Variants in VWC2 observed in about 807,000 individuals in gnomAD.
VWC2 encodes von Willebrand factor C domain containing 2.
A neutral mutation model predicts 29.8 loss-of-function variants in VWC2; 14 were observed. That is an observed-to-expected ratio of 0.47 (90% CI 0.31 to 0.74). The LOEUF is 0.74. Among genes scored for constraint, VWC2 ranks in the 30% least tolerant of loss-of-function variants. VWC2 has a pLI of 0.05. For missense variants in VWC2, 457 were observed against 459.8 expected, an observed-to-expected ratio of 0.99 and a Z score of 0.05; for synonymous variants, 213 against 199.0, an observed-to-expected ratio of 1.07 and a Z score of -0.59.
intron 3 of VWC2, among the ~76,000 whole-genome samples, chr7:49,888,624 C>A (rs750865281): frequency 7.2e-5 from 11 of 152,064 alleles, no homozygotes; most frequent in Non-Finnish European, 1.2e-4. Context: ...ATGAAGTGCA[C>A]CTTTTGCCAG....
At chr7:49,889,685 C>T (rs1257244383) in intron 3 of VWC2, among the ~76,000 whole-genome samples, 4 of 152,162 alleles carry the variant, frequency 2.6e-5, no homozygotes, top group African/African-American at 4.8e-5. Flanking sequence ...AAGGCTTTCA[C>T]GTTGCTTTTG....
At chr7:49,858,242 T>G (rs979508942) in intron 3 of VWC2, among the ~76,000 whole-genome samples, 1 of 152,146 alleles carries the variant, frequency 6.6e-6, no homozygotes, top group African/African-American at 2.4e-5. Flanking sequence ...GCTGCTATAA[T>G]GACACATGCA....
rs1485783831 is a variant in VWC2 at position 49,773,783 on chromosome 7, A to G, written c.-434A>G. 2.0e-5 allele frequency: 3 copies of G among 149,892 alleles called. No individual in the cohort carries two copies. The highest frequency in any genetic ancestry group is 4.4e-5 in the Non-Finnish European group (3 of 67,552). 9.3% of individuals were successfully genotyped at this position (149,892 alleles called of 1,614,324 possible). A position where few individuals can be genotyped will look rare whatever the true frequency, so the allele number is the denominator to read the frequency against. On this transcript the variant is annotated 5_prime_UTR_variant, in exon 1 of 4. Transcript: ENST00000340652. Reference sequence around the variant, plus strand: ...CCGAACCCCTCCGCGGAGAGGAGCGAGGCGGCGCCAGGGTGGCCCCCGGGG... The same window carrying G: ...CCGAACCCCTCCGCGGAGAGGAGCGGGGCGGCGCCAGGGTGGCCCCCGGGG...
chr7:49,826,284 A>G (rs963033987), intron 3 of VWC2, among the ~76,000 whole-genome samples: 1 of 152,190 alleles, frequency 6.6e-6, no homozygotes, highest in Non-Finnish European at 1.5e-5. Context: ...GAAAATGAAG[A>G]CACAAGAAAT....
chr7:49,850,626 T>C (rs1208882290), intron 3 of VWC2: 1 of 152,236 alleles, frequency 6.6e-6, no homozygotes, highest in Non-Finnish European at 1.5e-5. Flanking sequence ...AATTTCATAT[T>C]ACCTAAAGGA....
At chr7:49,866,521 G>A (rs553292438) in intron 3 of VWC2, among the ~76,000 whole-genome samples, 1 of 152,266 alleles carries the variant, frequency 6.6e-6, no homozygotes, top group African/African-American at 2.4e-5. Context: ...GTTAGTCAAA[G>A]CAGGTCACAC....
chr7:49,837,416 G>A (rs912795663), intron 3 of VWC2, among the ~76,000 whole-genome samples: 1 of 152,202 alleles, frequency 6.6e-6, no homozygotes, highest in Admixed American at 6.5e-5. Context: ...TCAGGCAATA[G>A]TATAAGTGCC....
At chr7:49,900,513 A>T (rs1229339096) in intron 3 of VWC2, among the ~76,000 whole-genome samples, 7 of 151,808 alleles carry the variant, frequency 4.6e-5, no homozygotes, top group South Asian at 2.1e-4. Context: ...GGATAATAAA[A>T]AAATACTACA....
At chr7:49,899,221 G>T (rs1792573287) in intron 3 of VWC2, among the ~76,000 whole-genome samples, 1 of 151,906 alleles carries the variant, frequency 6.6e-6, no homozygotes, top group Non-Finnish European at 1.5e-5. Context: ...TTATAATAAT[G>T]GGTGAGTAGC....
intron 3 of VWC2, among the ~76,000 whole-genome samples, chr7:49,827,029 C>T (rs1789410024): frequency 6.6e-6 from 1 of 152,032 alleles, no homozygotes; most frequent in Non-Finnish European, 1.5e-5. Context: ...TGCTTATATA[C>T]ACTTATACAT....
rs764670742 is a variant in VWC2 at position 49,917,901 on chromosome 7, A to G, written c.*5716A>G. 2 of 152,228 alleles carry G rather than the reference A, an allele frequency of 1.3e-5. No individual in the cohort carries two copies. The highest frequency in any genetic ancestry group is 3.4e-3 in the Middle Eastern group (1 of 294). 9.4% of individuals were successfully genotyped at this position (152,228 alleles called of 1,614,324 possible). A position where few individuals can be genotyped will look rare whatever the true frequency, so the allele number is the denominator to read the frequency against. On this transcript the variant is annotated 3_prime_UTR_variant, in exon 4 of 4. Coordinates refer to ENST00000340652, the MANE Select transcript of VWC2 (RefSeq NM_198570.5). ...ATATTTACATTGTCAAATAAATACA[A>G]TTCTATTTTCATTTCTATTAGTTTT...
At chr7:49,904,540 T>C (rs958897556) in intron 3 of VWC2, among the ~76,000 whole-genome samples, 2 of 152,334 alleles carry the variant, frequency 1.3e-5, no homozygotes, top group East Asian at 3.9e-4. Context: ...ATGCTGCTTA[T>C]AGGAGGAAGG....
intron 2 of VWC2, among the ~76,000 whole-genome samples, chr7:49,788,750 G>T (rs1161686945): frequency 6.7e-6 from 1 of 148,638 alleles, no homozygotes; most frequent in East Asian, 2.0e-4. Context: ...GTGTGTGGAT[G>T]TGGGTGTGGG....
chr7:49,834,780 C>T (rs1789618520), intron 3 of VWC2, among the ~76,000 whole-genome samples: 1 of 152,090 alleles, frequency 6.6e-6, no homozygotes, highest in African/African-American at 2.4e-5. Context: ...GGCTGGAGGC[C>T]CCAAGGATTG....
chr7:49,889,703 C>G (rs1285410852), intron 3 of VWC2, among the ~76,000 whole-genome samples: 4 of 152,110 alleles, frequency 2.6e-5, no homozygotes, highest in Non-Finnish European at 1.5e-5. Flanking sequence ...TTGCCAGTGA[C>G]CACTGAAATT....
chr7:49,837,942 A>G (rs569475203), intron 3 of VWC2, among the ~76,000 whole-genome samples: 3 of 152,348 alleles, frequency 2.0e-5, no homozygotes, highest in African/African-American at 7.2e-5. Context: ...AAATACAAAC[A>G]TAAAGTTCAA....
At chr7:49,808,210 C>A (rs947898016) in intron 3 of VWC2, among the ~76,000 whole-genome samples, 1 of 152,012 alleles carries the variant, frequency 6.6e-6, no homozygotes, top group Non-Finnish European at 1.5e-5. Flanking sequence ...ATTCCTAGAA[C>A]AATCACTAAG....
At chr7:49,860,371 G>A (rs1412380037) in intron 3 of VWC2, among the ~76,000 whole-genome samples, 1 of 152,078 alleles carries the variant, frequency 6.6e-6, no homozygotes, top group Non-Finnish European at 1.5e-5. Flanking sequence ...TTTGTGTCTG[G>A]CTTATTTCAC....
Position 49,773,874 on chromosome 7 carries a change from T to A in VWC2, c.-343T>A, listed in dbSNP as rs570292361. ...GAGCGACTGAGGGCGACGCGGGCACTGACGCGAGTTGGGGCCGCGACTACC... is the reference window on the plus strand; with the variant it reads ...GAGCGACTGAGGGCGACGCGGGCACAGACGCGAGTTGGGGCCGCGACTACC... On this transcript the variant is annotated 5_prime_UTR_variant, in exon 1 of 4. Transcript: ENST00000340652. The A allele has an allele frequency of 1.3e-5, 2 of 152,274 alleles. No individual in the cohort carries two copies. The highest frequency in any genetic ancestry group is 4.8e-5 in the African/African-American group (2 of 41,500). 9.4% of individuals were successfully genotyped at this position (152,274 alleles called of 1,614,324 possible).
Sources: allele counts gnomAD v4.1 joint callset (sites outside exome capture counted in the v4.1 genomes callset), GRCh38; gene constraint gnomAD v4.1.1; transcripts MANE v1.5; gene names NCBI Gene and HGNC (gene_info 2026-07-23, HGNC 2026-07-21).